Variants in HECW1 observed in about 807,000 individuals in gnomAD.
HECW1 encodes E3 ubiquitin-protein ligase HECW1.
In HECW1, 61 loss-of-function variants were observed where a neutral mutation model predicts 182.3. The observed-to-expected ratio is 0.33, with a 90% CI of 0.27 to 0.41. The LOEUF (loss-of-function observed/expected upper bound fraction) is 0.41, where lower values mean the gene tolerates loss of function less well. Among genes scored for constraint, HECW1 ranks in the 10% least tolerant of loss-of-function variants. The pLI is 1.00. For synonymous variants in HECW1, 859 were observed against 832.6 expected (o/e 1.03, Z -0.55); for missense variants, 1,739 against 2,108.9 (o/e 0.82, Z 3.44).
intron 2 of HECW1, among the ~76,000 whole-genome samples, chr7:43,227,080 A>G (rs552410595): frequency 1.3e-5 from 2 of 152,314 alleles, no homozygotes; most frequent in East Asian, 1.9e-4. Context: ...TCTCTCATTA[A>G]TGTCTCATTA....
chr7:43,564,815 T>C lies in HECW1; in HGVS notation c.*2889T>C, dbSNP rs899565001. 5.5e-6 allele frequency: 1 copy of C among 182,730 alleles called. No homozygotes were observed. Among genetic ancestry groups the C allele is most frequent in the African/African-American group, 2.3e-5 (1 of 42,576 alleles). 11.3% of individuals were successfully genotyped at this position (182,730 alleles called of 1,614,324 possible). Reference sequence around the variant, plus strand: ...GCTATAGAACTAAATTTCACTTAGGTGGAGGTATAAACCACCTTAAATTAT... The same window carrying C: ...GCTATAGAACTAAATTTCACTTAGGCGGAGGTATAAACCACCTTAAATTAT... On this transcript the variant is annotated 3_prime_UTR_variant, in exon 30 of 30. Coordinates refer to ENST00000395891, the MANE Select transcript of HECW1 (RefSeq NM_015052.5).
rs768142577 is a variant in HECW1 at position 43,444,804 on chromosome 7, G to T, written c.1632G>T (p.Thr544=). ...PCSLPVSELE[T]VIASACGDPE... ...CCTTGCCTGTGTCCGAGCTGGAGAC[G>T]GTGATCGCGTCAGCCTGCGGGGACC... Residue 544 remains threonine, a synonymous_variant, in exon 11 of 30, where the codon ACG becomes ACT. Transcript: ENST00000395891. This position sits in a 1 kb window ranked among gnomAD's most constrained non-coding sequence, Gnocchi z 4.3. 2.5e-6 allele frequency: 4 copies of T among 1,614,068 alleles called. No individual in the cohort carries two copies. The highest frequency in any genetic ancestry group is 3.4e-6 in the Non-Finnish European group (4 of 1,180,030).
intron 10 of HECW1, among the ~76,000 whole-genome samples, chr7:43,443,552 C>G (rs2076954365): frequency 6.6e-6 from 1 of 152,214 alleles, no homozygotes; most frequent in African/African-American, 2.4e-5. Context: ...AATTTCACAT[C>G]TGGCAGGAAT....
Position 43,442,562 on chromosome 7 carries a change from G to A in HECW1, c.978G>A (p.Arg326=). 6.2e-7 allele frequency: 1 copy of A among 1,613,906 alleles called. No homozygotes were observed. Among genetic ancestry groups the A allele is most frequent in the Non-Finnish European group, 8.5e-7 (1 of 1,179,864 alleles). The part of the protein sequence containing the change: ...DRVVSYTLGR[R]LPTDHVSGQL... The stretch of plus-strand genomic sequence containing the variant: ...TGGTCAGCTACACACTTGGCCGCAG[G>A]CTTCCAACAGATCATGTGAGTGGAC... Residue 326 remains arginine, a synonymous_variant, in exon 10 of 30, where the codon AGG becomes AGA. Transcript: ENST00000395891.
At chr7:43,337,415 T>C (rs994781195) in intron 5 of HECW1, among the ~76,000 whole-genome samples, 3 of 152,180 alleles carry the variant, frequency 2.0e-5, no homozygotes, top group Admixed American at 1.3e-4. Flanking sequence ...TCATCTGATA[T>C]AGACTCATCT....
At chr7:43,538,876 C>T (rs2081271118) in intron 24 of HECW1, among the ~76,000 whole-genome samples, 1 of 152,140 alleles carries the variant, frequency 6.6e-6, no homozygotes, top group South Asian at 2.1e-4. Flanking sequence ...GTGGTAGTAA[C>T]AAGCATCAGT....
intron 2 of HECW1, among the ~76,000 whole-genome samples, chr7:43,190,112 GC>G (rs1231040798): frequency 7.3e-5 from 11 of 151,304 alleles, no homozygotes; most frequent in Non-Finnish European, 1.0e-4. Flanking sequence ...TTGTTTGTTT[GC>G]TTTGTTTGTT....
chr7:43,302,050 A>G (rs1224401457), intron 3 of HECW1, among the ~76,000 whole-genome samples: 1 of 152,172 alleles, frequency 6.6e-6, no homozygotes, highest in Non-Finnish European at 1.5e-5. Context: ...ATTAATTTCA[A>G]TGAGGATACA....
intron 6 of HECW1, among the ~76,000 whole-genome samples, chr7:43,387,309 G>A (rs2074839675): frequency 6.6e-6 from 1 of 152,018 alleles, no homozygotes; most frequent in African/African-American, 2.4e-5. Context: ...CTAAGTCTTA[G>A]AGGATCCAGG....
In HECW1 at chr7:43,272,987, C is replaced by A. The variant is rs78057184; in HGVS notation, c.27+29055C>A. Among the ~76,000 whole-genome samples the A allele has an allele frequency of 0.012, 1,898 of 152,160 alleles. 107 individuals are homozygous for A. In the East Asian group the frequency reaches 0.2, roughly 16 times the overall value. On this transcript the variant is annotated intron_variant, in intron 3 of 29. Coordinates refer to ENST00000395891, the MANE Select transcript of HECW1 (RefSeq NM_015052.5). ...ATATACACCATGGAATACTAGGCAG[C>A]CATAAAAAAGAATGAATCATGTCCT...
rs547474469 is a variant in HECW1, at chr7:43,463,726, C to T, written c.2718C>T (p.Cys906=). The T allele has an allele frequency of 1.4e-5, 22 of 1,613,910 alleles. No homozygotes were observed. The highest frequency in any genetic ancestry group is 6.6e-5 in the South Asian group (6 of 91,066). The change falls in exon 14 of 30, where the codon TGC becomes TGT. Residue 906 remains cysteine, a synonymous_variant. Transcript: ENST00000395891. ...AAGAAGATTCTGGCAGCCAAAGCTG[C>T]GAGCAAGCCCCAGCAGGAGGAGGCG... ...RSEEDSGSQS[C]EQAPAGGGGG... is the part of the protein sequence containing the mutation.
At position 43,243,259 on chromosome 7, in the gene HECW1, G is replaced by A. The variant is rs929706448; in HGVS notation, c.-31-616G>A. Among the ~76,000 whole-genome samples, 1 of 152,198 alleles carries A rather than the reference G, an allele frequency of 6.6e-6. No homozygotes were observed. The highest frequency in any genetic ancestry group is 1.5e-5 in the Non-Finnish European group (1 of 68,038). On this transcript the variant is annotated intron_variant, in intron 2 of 29. Transcript: ENST00000395891. This position sits in a 1 kb window ranked among gnomAD's most constrained non-coding sequence, Gnocchi z 4.0. ...TGCCTGGCATCTCTGCTCAAGTCCT[G>A]TATGCTAATTTTGGACATGGTAGCT...
intron 16 of HECW1, among the ~76,000 whole-genome samples, chr7:43,479,037 G>C (rs956532561): frequency 1.3e-5 from 2 of 152,172 alleles, no homozygotes; most frequent in Non-Finnish European, 2.9e-5. Context: ...CCAGGGACCA[G>C]TTTTATGGAA....
At chr7:43,341,171 G>C (rs1401333425) in intron 5 of HECW1, among the ~76,000 whole-genome samples, 2 of 151,580 alleles carry the variant, frequency 1.3e-5, no homozygotes, top group Non-Finnish European at 2.9e-5. Context: ...GGGTTGGGGG[G>C]CAGGGGGAGG....
chr7:43,207,551 A>G (rs537327295), intron 2 of HECW1, among the ~76,000 whole-genome samples: 31 of 152,298 alleles, frequency 2.0e-4, no homozygotes, highest in African/African-American at 6.7e-4. Context: ...TCATCTTACC[A>G]TGCTATAGAA....
chr7:43,184,670 A>G (rs1440168782), intron 2 of HECW1, among the ~76,000 whole-genome samples: 8 of 152,188 alleles, frequency 5.3e-5, no homozygotes, highest in Admixed American at 3.3e-4. Flanking sequence ...ACCAATGGCC[A>G]ATGATTTAAC....
intron 8 of HECW1, among the ~76,000 whole-genome samples, chr7:43,415,136 C>T (rs1287173466): frequency 4.0e-5 from 6 of 151,472 alleles, no homozygotes; most frequent in Non-Finnish European, 8.8e-5. Context: ...ATGGTCTTTA[C>T]ATTTTGTCAT....
At position 43,444,117 on chromosome 7, in the gene HECW1, T is replaced by A; in HGVS notation, c.1046-101T>A. 1 of 1,197,736 alleles carries A rather than the reference T, an allele frequency of 8.3e-7. No individual in the cohort carries two copies. Among genetic ancestry groups the A allele is most frequent in the Middle Eastern group, 2.0e-4 (1 of 4,950 alleles). The allele number at this position is 1,197,736 out of a possible 1,614,324, so 74.2% of individuals were successfully genotyped here. A position where few individuals can be genotyped will look rare whatever the true frequency, so the allele number is the denominator to read the frequency against. ...CATCAACCTACATTCAATATCCTAA[T>A]GTAGAAATCCCTTAGTGATGGCTTA... On this transcript the variant is annotated intron_variant, in intron 10 of 29. Transcript: ENST00000395891. The surrounding 1 kb of genome is among the most constrained non-coding windows in gnomAD (Gnocchi z 4.3).
chr7:43,396,256 T>C (rs539144978), intron 6 of HECW1, among the ~76,000 whole-genome samples: 1 of 152,298 alleles, frequency 6.6e-6, no homozygotes, highest in South Asian at 2.1e-4. Context: ...AGATAATCCA[T>C]GTAACAATTG....
Sources: gnomAD v4.1 joint callset for allele counts (sites outside exome capture counted in the v4.1 genomes callset) on GRCh38, gnomAD v4.1.1 for gene constraint, Gnocchi (gnomAD v3.1) non-coding constraint, MANE v1.5 for transcripts, NCBI Gene and HGNC (gene_info 2026-07-23, HGNC 2026-07-21) for gene names.